The following ACCSL variants were observed in gnomAD, a reference collection of about 807,000 sequenced individuals.
ACCSL encodes the protein probable inactive 1-aminocyclopropane-1-carboxylate synthase-like protein 2.
A neutral mutation model predicts 61.7 loss-of-function variants in ACCSL; 55 were observed. The observed-to-expected ratio is 0.89, with a 90% confidence interval of 0.72 to 1.12. ACCSL has a LOEUF of 1.12. Among genes scored for constraint, ACCSL ranks in the 50% most tolerant of loss-of-function variants. The pLI is 0.00. For missense variants in ACCSL, 632 were observed against 698.0 expected, an observed-to-expected ratio of 0.91 and a Z score of 1.07; for synonymous variants, 258 against 264.3, an observed-to-expected ratio of 0.98 and a Z score of 0.23.
chr11:43,942,971 G>A, the ACCSL span: 3 of 1,495,796 alleles, frequency 2.0e-6, no homozygotes, highest in Non-Finnish European at 2.7e-6. Context: ...GCCGCACTTC[G>A]TGTGCCTGGC....
the ACCSL span, among the ~76,000 whole-genome samples, chr11:43,948,664 G>A: frequency 0.042 from 6,312 of 152,016 alleles, 210 homozygotes; most frequent in East Asian, 0.063. Context: ...TGTTGAGATG[G>A]GGTCTCCCTA....
intron 11 of ACCSL, among the ~76,000 whole-genome samples, chr11:44,056,546 G>C (rs944056458): frequency 3.9e-5 from 6 of 152,120 alleles, no homozygotes; most frequent in Admixed American, 3.9e-4. Context: ...TAAAATACAG[G>C]ATGAGGCCGG....
At position 44,051,419 on chromosome 11, in the gene ACCSL, C is replaced by T. The variant is rs761452540; in HGVS notation, c.705+15C>T. 2 of 1,614,078 alleles carry T rather than the reference C, an allele frequency of 1.2e-6. No individual in the cohort carries two copies. Among genetic ancestry groups the T allele is most frequent in the South Asian group, 1.1e-5 (1 of 91,084 alleles). ...ACCCAGAAAATGTGAGTCAGTTTCC[C>T]AGCCTTGCTGCCACCCTGGTGGAGG... On this transcript the variant is annotated intron_variant, in intron 4 of 13. Coordinates refer to ENST00000378832, the MANE Select transcript of ACCSL (RefSeq NM_001031854.2).
At chr11:44,047,188 A>G (rs1298306298), upstream of ACCSL, among the ~76,000 whole-genome samples, 1 of 152,104 alleles carries the variant, frequency 6.6e-6, no homozygotes, top group African/African-American at 2.4e-5. Flanking sequence ...ATGGACTTCA[A>G]AGTTTGAGAG....
the ACCSL span, chr11:43,971,596 G>A: frequency 1.3e-5 from 2 of 152,158 alleles, no homozygotes; most frequent in African/African-American, 2.4e-5. Flanking sequence ...CATGTGAGTG[G>A]GACAGATAAA....
the ACCSL span, among the ~76,000 whole-genome samples, chr11:43,926,844 G>A: frequency 6.6e-5 from 10 of 152,224 alleles, no homozygotes; most frequent in Middle Eastern, 3.4e-3. Flanking sequence ...TGACCTCCCC[G>A]GGCTCAGGTG....
chr11:44,042,339 A>T, the ACCSL span, among the ~76,000 whole-genome samples: 1 of 152,176 alleles, frequency 6.6e-6, no homozygotes, highest in East Asian at 1.9e-4. Flanking sequence ...TGATTTGTTC[A>T]GATTTTATTT....
chr11:44,004,420 G>C, the ACCSL span, among the ~76,000 whole-genome samples: 3 of 151,906 alleles, frequency 2.0e-5, no homozygotes, highest in African/African-American at 7.3e-5. Context: ...TCACCAGCCT[G>C]TTCCAAAATT....
At chr11:44,030,034 A>ATTTTATTT in the ACCSL span, among the ~76,000 whole-genome samples, 6 of 14,504 alleles carry the variant, frequency 4.1e-4, no homozygotes, top group African/African-American at 1.8e-3. Context: ...ATTTTATTTT[A>ATTTTATTT]TGTTTGCTTG....
At chr11:43,978,091 C>A in the ACCSL span, among the ~76,000 whole-genome samples, 3 of 147,332 alleles carry the variant, frequency 2.0e-5, no homozygotes, top group Admixed American at 6.9e-5. Flanking sequence ...CTCACTGCAA[C>A]CTCCACCTCC....
chr11:43,979,846 C>CAAAAA, the ACCSL span, among the ~76,000 whole-genome samples: 57 of 48,236 alleles, frequency 1.2e-3, no homozygotes, highest in Non-Finnish European at 1.8e-3. Flanking sequence ...GACTCTGTCT[C>CAAAAA]AAAAAAAAAA....
chr11:44,038,728 G>C, the ACCSL span, among the ~76,000 whole-genome samples: 2 of 152,184 alleles, frequency 1.3e-5, no homozygotes, highest in Non-Finnish European at 2.9e-5. Flanking sequence ...GATGGCTACA[G>C]GGCTGAAATC....
the ACCSL span, among the ~76,000 whole-genome samples, chr11:44,005,631 C>T: frequency 2.0e-5 from 3 of 152,100 alleles, no homozygotes; most frequent in African/African-American, 7.2e-5. Flanking sequence ...CATATTAGGT[C>T]TCACAGGAAC....
the ACCSL span, among the ~76,000 whole-genome samples, chr11:43,927,454 T>C: frequency 2.0e-5 from 3 of 152,236 alleles, no homozygotes; most frequent in Admixed American, 6.5e-5. Flanking sequence ...AGGCACTGCA[T>C]TCATTGCTTT....
intron 5 of ACCSL, 118 bp from the exon 6 acceptor site, chr11:44,052,544 A>C: frequency 2.5e-6 from 2 of 800,214 alleles, no homozygotes; most frequent in Non-Finnish European, 4.3e-6. Flanking sequence ...ATCCCCAGGT[A>C]GAAAGGATCG....
chr11:43,985,979 A>G, the ACCSL span, among the ~76,000 whole-genome samples: 1 of 125,102 alleles, frequency 8.0e-6, no homozygotes, highest in Non-Finnish European at 1.8e-5. Context: ...TATATATAAT[A>G]AACAAACAAA....
chr11:43,987,790 C>CG, the ACCSL span, among the ~76,000 whole-genome samples: 22 of 152,196 alleles, frequency 1.4e-4, no homozygotes, highest in East Asian at 2.7e-3. Context: ...ATCCAGCGCT[C>CG]GGGGGGGTCA....
At chr11:43,982,070 TTC>T in the ACCSL span, among the ~76,000 whole-genome samples, 1 of 151,926 alleles carries the variant, frequency 6.6e-6, no homozygotes, top group Admixed American at 6.6e-5. Flanking sequence ...TGTTGGTGGG[TTC>T]TCGGGTGACA....
chr11:44,014,736 C>G, the ACCSL span, among the ~76,000 whole-genome samples: 1 of 152,116 alleles, frequency 6.6e-6, no homozygotes, highest in South Asian at 2.1e-4. Flanking sequence ...AGTCTGGACT[C>G]TACATTTGAG....
Sources: allele counts gnomAD v4.1 joint callset (sites outside exome capture counted in the v4.1 genomes callset), GRCh38; gene constraint gnomAD v4.1.1; transcripts MANE v1.5; gene names NCBI Gene and HGNC (gene_info 2026-07-23, HGNC 2026-07-21).